ZBTB43: variants seen among roughly 807,000 people sequenced by gnomAD.
The protein encoded by ZBTB43 is zinc finger and BTB domain containing 43.
In ZBTB43, 6 loss-of-function variants were observed where a neutral mutation model predicts 31.1. That is an observed-to-expected ratio of 0.19 (90% confidence interval 0.11 to 0.38). The LOEUF is 0.38. Ranked by LOEUF, ZBTB43 falls within the 10% of genes least tolerant of loss-of-function variation. ZBTB43 has a pLI of 1.00. For missense variants in ZBTB43, 379 were observed against 602.1 expected, an observed-to-expected ratio of 0.63 and a Z score of 3.88; for synonymous variants, 212 against 221.7, an observed-to-expected ratio of 0.96 and a Z score of 0.39.
chr9:126,828,193 T>A (rs1199681529), intron 2 of ZBTB43, among the ~76,000 whole-genome samples: 1 of 151,078 alleles, frequency 6.6e-6, no homozygotes, highest in Admixed American at 6.6e-5. Context: ...ATTTATTTAT[T>A]TTTTTTTTGA....
At chr9:126,805,817 T>C (rs2032114155) in intron 1 of ZBTB43, among the ~76,000 whole-genome samples, 2 of 152,154 alleles carry the variant, frequency 1.3e-5, no homozygotes, top group South Asian at 4.1e-4. Flanking sequence ...TGTTTCTCTC[T>C]TTCTGCCAAC....
intron 2 of ZBTB43, among the ~76,000 whole-genome samples, chr9:126,828,294 C>T (rs969712085): frequency 2.0e-5 from 3 of 151,762 alleles, no homozygotes; most frequent in Non-Finnish European, 1.5e-5. Flanking sequence ...CTCCATTCTC[C>T]TGCCTCAGCC....
chr9:126,808,283 C>A (rs763553090), intron 1 of ZBTB43, among the ~76,000 whole-genome samples: 21 of 152,202 alleles, frequency 1.4e-4, no homozygotes, highest in African/African-American at 4.8e-4. Flanking sequence ...GTAAAACATT[C>A]AGCCGTGGCT....
At chr9:126,828,782 A>G (rs1159976545) in intron 2 of ZBTB43, among the ~76,000 whole-genome samples, 1 of 151,862 alleles carries the variant, frequency 6.6e-6, no homozygotes, top group Non-Finnish European at 1.5e-5. Flanking sequence ...AAAAAAATCT[A>G]TAAAATCAGC....
chr9:126,810,495 CTTTTTTTTTTTT>C (rs1163411798), intron 2 of ZBTB43, among the ~76,000 whole-genome samples: 1 of 73,342 alleles, frequency 1.4e-5, no homozygotes, highest in Admixed American at 2.2e-4. Flanking sequence ...GCCCAGCCGT[CTTTTTTTTTTTT>C]TTTTTTTTTT....
chr9:126,818,112 TC>T (rs1186309090), intron 2 of ZBTB43, among the ~76,000 whole-genome samples: 1 of 150,414 alleles, frequency 6.6e-6, no homozygotes, highest in Non-Finnish European at 1.5e-5. Flanking sequence ...GTAGTTTTTT[TC>T]TTTTTCTTTT....
intron 2 of ZBTB43, among the ~76,000 whole-genome samples, chr9:126,827,820 C>A (rs1461075590): frequency 3.4e-4 from 51 of 151,606 alleles, no homozygotes; most frequent in Admixed American, 3.3e-3. Flanking sequence ...TCAGCCTGAC[C>A]AACATGGTGA....
rs1240601203 is a variant in ZBTB43 at position 126,833,165 on chromosome 9, CCAGCGA to C, written c.662_667del (p.Asp221_Ser222del). ...GCAAGCCAGGATGGGGAGGAGGGCG[CCAGCGA>C]CAGCGCCGAGTTCCACTACACCCGG... is the stretch of plus-strand genomic sequence containing the variant. On this transcript the variant is annotated inframe_deletion, in exon 3 of 3. Transcript: ENST00000373464. This position sits in a 1 kb window ranked among gnomAD's most constrained non-coding sequence, Gnocchi z 7.9. The C allele has an allele frequency of 1.2e-6, 2 of 1,613,864 alleles. No individual in the cohort carries two copies. The highest frequency in any genetic ancestry group is 1.7e-6 in the Non-Finnish European group (2 of 1,180,042).
chr9:126,814,903 T>G (rs2032342166), intron 2 of ZBTB43, among the ~76,000 whole-genome samples: 1 of 143,660 alleles, frequency 7.0e-6, no homozygotes, highest in Non-Finnish European at 1.5e-5. Flanking sequence ...CCCACCTTCA[T>G]TTCAGTATTT....
intron 2 of ZBTB43, among the ~76,000 whole-genome samples, chr9:126,824,087 C>T (rs1384945532): frequency 4.0e-5 from 6 of 151,894 alleles, no homozygotes; most frequent in East Asian, 1.9e-4. Context: ...AGTGCAGTGG[C>T]GCAATCTCCG....
chr9:126,814,247 A>G (rs2119120608), intron 2 of ZBTB43, among the ~76,000 whole-genome samples: 1 of 978 alleles, frequency 1.0e-3, no homozygotes, highest in Non-Finnish European at 2.1e-3. Context: ...TCATCAGTTA[A>G]CAATAAACTT....
intron 2 of ZBTB43, among the ~76,000 whole-genome samples, chr9:126,826,921 G>T (rs1212354706): frequency 6.6e-6 from 1 of 152,200 alleles, no homozygotes; most frequent in East Asian, 1.9e-4. Context: ...TGCAGGGACA[G>T]TTTCTAATTC....
At chr9:126,831,644 A>G (rs1360247354) in intron 2 of ZBTB43, 1 of 152,116 alleles carries the variant, frequency 6.6e-6, no homozygotes, top group Non-Finnish European at 1.5e-5. Flanking sequence ...TACAAAAAAA[A>G]TTAATTTTTT....
rs36023653 is a variant in ZBTB43 at position 126,820,967 on chromosome 9, C to CAAAAAAAA, written c.-23-11507_-23-11500dup. 1.9e-3 allele frequency among the ~76,000 whole-genome samples: 155 copies of CAAAAAAAA among 83,444 alleles called. 2 individuals are homozygous for CAAAAAAAA. Among genetic ancestry groups the CAAAAAAAA allele is most frequent in the African/African-American group, 8.2e-3 (146 of 17,832 alleles). 54.7% of individuals were successfully genotyped at this position (83,444 alleles called of 152,430 possible). A position where few individuals can be genotyped will look rare whatever the true frequency, so the allele number is the denominator to read the frequency against. On this transcript the variant is annotated intron_variant, in intron 2 of 2. Coordinates refer to ENST00000373464, the MANE Select transcript of ZBTB43 (RefSeq NM_014007.4). ...GGGTGACAAAGTGAGACCCCCATCTCAAAAAAAAAAAAAAAAAAAAGGATA... is the reference window on the plus strand; with the variant it reads ...GGGTGACAAAGTGAGACCCCCATCTCAAAAAAAAAAAAAAAAAAAAAAAAAAAAGGATA...
At chr9:126,825,205 T>C (rs1325368435) in intron 2 of ZBTB43, among the ~76,000 whole-genome samples, 1 of 152,174 alleles carries the variant, frequency 6.6e-6, no homozygotes, top group Non-Finnish European at 1.5e-5. Context: ...CCTCCCAGAG[T>C]GCTGGGATTA....
At chr9:126,826,711 G>A (rs112952534) in intron 2 of ZBTB43, among the ~76,000 whole-genome samples, 2,071 of 149,726 alleles carry the variant, frequency 0.014, 52 homozygotes, top group African/African-American at 0.048. Flanking sequence ...TGATCCTCAC[G>A]CCTCAGCTTC....
At chr9:126,826,686 G>A (rs764337506) in intron 2 of ZBTB43, among the ~76,000 whole-genome samples, 5 of 150,598 alleles carry the variant, frequency 3.3e-5, no homozygotes, top group South Asian at 2.1e-4. Flanking sequence ...GGAGGGTCTC[G>A]ATCTCCTGAC....
intron 2 of ZBTB43, among the ~76,000 whole-genome samples, chr9:126,814,146 A>G (rs1392852022): frequency 6.6e-6 from 1 of 152,074 alleles, no homozygotes; most frequent in East Asian, 1.9e-4. Context: ...TCCTGCTACA[A>G]TTACAGTTCT....
chr9:126,833,369 T>C lies in ZBTB43; in HGVS notation c.860T>C (p.Val287Ala), dbSNP rs1259514573. ...QTEHTVQPSG[V>A]EEDFHIGEKK... The stretch of plus-strand genomic sequence containing the variant: ...GAGCACACGGTGCAGCCTTCGGGAG[T>C]GGAGGAGGACTTCCACATCGGGGAG... Residue 287 changes from valine to alanine, a missense_variant, in exon 3 of 3, where the codon GTG becomes GCG. By Grantham distance (64) the Val-to-Ala change is moderately conservative. Coordinates refer to ENST00000373464, the MANE Select transcript of ZBTB43 (RefSeq NM_014007.4). This position sits in a 1 kb window ranked among gnomAD's most constrained non-coding sequence, Gnocchi z 7.9. The C allele has an allele frequency of 6.2e-7, 1 of 1,612,288 alleles. No individual in the cohort carries two copies. The highest frequency in any genetic ancestry group is 1.7e-4 in the Middle Eastern group (1 of 6,058).
Sources: allele counts gnomAD v4.1 joint callset (sites outside exome capture counted in the v4.1 genomes callset), GRCh38; gene constraint gnomAD v4.1.1; non-coding constraint Gnocchi (gnomAD v3.1); transcripts MANE v1.5; gene names NCBI Gene and HGNC (gene_info 2026-07-23, HGNC 2026-07-21).